Variants in STK32B observed in about 807,000 individuals in gnomAD.
The protein encoded by STK32B is serine/threonine-protein kinase 32B.
Under a neutral mutation model 52.6 loss-of-function variants are expected in STK32B, and 43 were observed. The ratio of observed to expected loss-of-function variants is 0.82; its 90% CI spans 0.64 to 1.05. STK32B has a LOEUF of 1.05. STK32B is among the 50% of genes least tolerant of loss of function. The pLI, the probability that STK32B is intolerant of heterozygous loss-of-function variation, is 0.00. For synonymous variants in STK32B, 238 were observed against 204.3 expected, an observed-to-expected ratio of 1.17 and a Z score of -1.41; for missense variants, 621 against 534.6, an observed-to-expected ratio of 1.16 and a Z score of -1.59.
At chr4:5,318,340 G>C (rs1289637454) in intron 3 of STK32B, among the ~76,000 whole-genome samples, 1 of 152,166 alleles carries the variant, frequency 6.6e-6, no homozygotes, top group Non-Finnish European at 1.5e-5. Flanking sequence ...CTTAGGAACT[G>C]AGACTAAATG....
intron 1 of STK32B, among the ~76,000 whole-genome samples, chr4:5,123,190 G>C (rs903949993): frequency 4.6e-5 from 7 of 152,132 alleles, no homozygotes; most frequent in African/African-American, 1.7e-4. Flanking sequence ...TGTAGAGACA[G>C]AAGGTGTTGC....
chr4:5,330,622 T>C (rs1289255952), intron 3 of STK32B, among the ~76,000 whole-genome samples: 1 of 152,194 alleles, frequency 6.6e-6, no homozygotes, highest in Non-Finnish European at 1.5e-5. Flanking sequence ...TGGTGCTGGC[T>C]GTCACTGGGA....
In STK32B at chr4:5,427,602, A is replaced by AT. The variant is rs1713210879; in HGVS notation, c.562+10668_562+10669insT. On this transcript the variant is annotated intron_variant, in intron 6 of 11. Coordinates refer to ENST00000282908, the MANE Select transcript of STK32B (RefSeq NM_018401.3). ...ATTCTGTTTATCTATTTCTTCAAGA[A>AT]CTAAGTAAATTTAAATAAGATTTGG... is the stretch of plus-strand genomic sequence containing the variant. Among the ~76,000 whole-genome samples the AT allele has an allele frequency of 7.2e-5, 11 of 152,328 alleles. No homozygotes were observed. The South Asian group carries it at 2.3e-3, about 32-fold the overall frequency.
chr4:5,035,168 A>G, the STK32B span, among the ~76,000 whole-genome samples: 1 of 152,262 alleles, frequency 6.6e-6, no homozygotes, highest in Non-Finnish European at 1.5e-5. Flanking sequence ...AGCATCATGA[A>G]GTTTTTAAGC....
chr4:5,268,300 T>A (rs1460638138), intron 3 of STK32B, among the ~76,000 whole-genome samples: 1 of 152,216 alleles, frequency 6.6e-6, no homozygotes, highest in Non-Finnish European at 1.5e-5. Context: ...GGCCTCATTA[T>A]ATACTGCAAA....
At chr4:5,195,177 C>T (rs1198922796) in intron 3 of STK32B, among the ~76,000 whole-genome samples, 1 of 152,150 alleles carries the variant, frequency 6.6e-6, no homozygotes, top group Non-Finnish European at 1.5e-5. Context: ...TGGGCTCAAG[C>T]AGTCCTCCGG....
intron 3 of STK32B, among the ~76,000 whole-genome samples, chr4:5,179,473 A>T (rs1027263320): frequency 6.6e-6 from 1 of 152,000 alleles, no homozygotes; most frequent in Non-Finnish European, 1.5e-5. Context: ...TGATGCATAG[A>T]TGATAAATAC....
In STK32B at chr4:5,089,462, T is replaced by C. The variant is rs192070606; in HGVS notation, c.52+37547T>C. Among the ~76,000 whole-genome samples the C allele has an allele frequency of 3.7e-4, 56 of 152,312 alleles. No individual in the cohort carries two copies. The East Asian group carries it at 9.6e-3, about 26-fold the overall frequency. On this transcript the variant is annotated intron_variant, in intron 1 of 11. Coordinates refer to ENST00000282908, the MANE Select transcript of STK32B (RefSeq NM_018401.3). ...TTTGATTTTCTGTTCTTCTGTTAGTTTGCTGAGGATGATGGCTTCTAGCTT... is the reference window on the plus strand; with the variant it reads ...TTTGATTTTCTGTTCTTCTGTTAGTCTGCTGAGGATGATGGCTTCTAGCTT...
At chr4:5,279,182 A>T (rs180920070) in intron 3 of STK32B, among the ~76,000 whole-genome samples, 1 of 152,238 alleles carries the variant, frequency 6.6e-6, no homozygotes, top group Non-Finnish European at 1.5e-5. Flanking sequence ...ATCTGAGACA[A>T]GGCAAGTCCC....
Position 5,466,787 on chromosome 4 carries a change from T to C in STK32B, c.994T>C (p.Leu332=). 2 of 1,614,016 alleles carry C rather than the reference T, an allele frequency of 1.2e-6. No homozygotes were observed. The highest frequency in any genetic ancestry group is 1.7e-6 in the Non-Finnish European group (2 of 1,179,944). The change falls in exon 10 of 12, where the codon TTG becomes CTG. Residue 332 remains leucine, a synonymous_variant. Coordinates refer to ENST00000282908, the MANE Select transcript of STK32B (RefSeq NM_018401.3). ...GCCACTTCACAAAAAGAAGAAGCGA[T>C]TGGCAAAGAACAGATCCAGGGATGG... ...SKPLHKKKKR[L]AKNRSRDGTK... is the part of the protein sequence containing the mutation.
intron 6 of STK32B, among the ~76,000 whole-genome samples, chr4:5,420,827 C>A (rs910222007): frequency 6.6e-6 from 1 of 152,050 alleles, no homozygotes; most frequent in African/African-American, 2.4e-5. Flanking sequence ...ATGCTGTTTC[C>A]GAAAAGCAAA....
chr4:5,364,568 G>A (rs1734751892), intron 4 of STK32B, among the ~76,000 whole-genome samples: 1 of 152,168 alleles, frequency 6.6e-6, no homozygotes, highest in South Asian at 2.1e-4. Context: ...CGCACAACTA[G>A]CCAAGAGAAA....
chr4:5,454,864 C>G (rs1012641902), intron 7 of STK32B, among the ~76,000 whole-genome samples: 1 of 152,046 alleles, frequency 6.6e-6, no homozygotes, highest in African/African-American at 2.4e-5. Flanking sequence ...CTCACACACG[C>G]AATGATGGGC....
intron 3 of STK32B, among the ~76,000 whole-genome samples, chr4:5,178,126 C>T (rs1318532952): frequency 6.6e-6 from 1 of 152,232 alleles, no homozygotes; most frequent in Non-Finnish European, 1.5e-5. Context: ...AAGGGCTCTG[C>T]CCCTGCAGCA....
At chr4:5,031,528 G>C in the STK32B span, among the ~76,000 whole-genome samples, 50 of 152,174 alleles carry the variant, frequency 3.3e-4, no homozygotes, top group African/African-American at 1.1e-3. Flanking sequence ...GACTCCAAGA[G>C]GTCGAGGCTG....
chr4:5,113,078 A>G (rs111876362), intron 1 of STK32B, among the ~76,000 whole-genome samples: 4 of 152,118 alleles, frequency 2.6e-5, no homozygotes, highest in Non-Finnish European at 5.9e-5. Context: ...GGATGTCTGT[A>G]TTCCCCCAAA....
At chr4:5,255,873 G>A (rs1428165767) in intron 3 of STK32B, among the ~76,000 whole-genome samples, 1 of 152,120 alleles carries the variant, frequency 6.6e-6, no homozygotes, top group Non-Finnish European at 1.5e-5. Flanking sequence ...TATGAATAAA[G>A]CTGCTGTGCA....
At chr4:5,055,597 A>T (rs1033924158) in intron 1 of STK32B, among the ~76,000 whole-genome samples, 1 of 152,110 alleles carries the variant, frequency 6.6e-6, no homozygotes, top group Non-Finnish European at 1.5e-5. Flanking sequence ...AAGAAAATAA[A>T]AGCTGAAGTC....
intron 3 of STK32B, among the ~76,000 whole-genome samples, chr4:5,207,782 T>C (rs1577194701): frequency 2.0e-5 from 3 of 151,966 alleles, no homozygotes; most frequent in Admixed American, 2.0e-4. Flanking sequence ...AGGACTGTGA[T>C]CACTTTTTGC....
Sources: allele counts gnomAD v4.1 joint callset (sites outside exome capture counted in the v4.1 genomes callset), GRCh38; gene constraint gnomAD v4.1.1; transcripts MANE v1.5; gene names NCBI Gene and HGNC (gene_info 2026-07-23, HGNC 2026-07-21).